Variants in ERCC6L2 observed in about 807,000 individuals in gnomAD.
ERCC6L2 encodes ERCC excision repair 6 like 2, also known as DNA excision repair protein ERCC-6-like 2.
Under a neutral mutation model 132.0 loss-of-function variants are expected in ERCC6L2, and 77 were observed. That is an observed-to-expected ratio of 0.58 (90% CI 0.49 to 0.71). ERCC6L2 has a LOEUF of 0.71. Ranked by LOEUF, ERCC6L2 falls within the 30% of genes least tolerant of loss-of-function variation. The pLI, the probability that ERCC6L2 is intolerant of heterozygous loss-of-function variation, is 0.00. For missense variants in ERCC6L2, 1,542 were observed against 1,837.6 expected, an observed-to-expected ratio of 0.84 and a Z score of 2.94; for synonymous variants, 583 against 632.4, an observed-to-expected ratio of 0.92 and a Z score of 1.17.
chr9:95,949,073 A>G (rs1831205632), intron 12 of ERCC6L2, among the ~76,000 whole-genome samples: 1 of 152,188 alleles, frequency 6.6e-6, no homozygotes, highest in South Asian at 2.1e-4. Context: ...AATTCTGGAC[A>G]CGAAATTCAA....
At chr9:96,032,969 C>T (rs1356193798) in intron 19 of ERCC6L2, among the ~76,000 whole-genome samples, 5 of 152,168 alleles carry the variant, frequency 3.3e-5, no homozygotes, top group East Asian at 3.8e-4. Flanking sequence ...CAAACCCAGG[C>T]GTCCAGGCTC....
chr9:95,896,421 G>T (rs200212185), intron 2 of ERCC6L2, among the ~76,000 whole-genome samples: 229 of 64,704 alleles, frequency 3.5e-3, no homozygotes, highest in South Asian at 0.027. Context: ...TTTTTTTTTT[G>T]ATTTTTTTTT....
At chr9:95,917,618 A>C (rs960809944) in intron 6 of ERCC6L2, among the ~76,000 whole-genome samples, 6 of 152,220 alleles carry the variant, frequency 3.9e-5, no homozygotes, top group Non-Finnish European at 8.8e-5. Context: ...GCAACTTCAT[A>C]TATGTGATTT....
chr9:95,954,493 G>A (rs750837715), intron 12 of ERCC6L2, among the ~76,000 whole-genome samples: 18 of 152,100 alleles, frequency 1.2e-4, no homozygotes, highest in Middle Eastern at 3.2e-3. Flanking sequence ...CCTACCTATC[G>A]TATAACAGTT....
chr9:95,883,627 A>C (rs1827713028), intron 2 of ERCC6L2, among the ~76,000 whole-genome samples: 1 of 152,172 alleles, frequency 6.6e-6, no homozygotes, highest in South Asian at 2.1e-4. Flanking sequence ...TTGGGAGGCC[A>C]AGGCGGGCGG....
chr9:95,972,200 G>T lies in ERCC6L2; in HGVS notation c.2449G>T (p.Asp817Tyr). The change falls in exon 16 of 19, where the codon GAT becomes TAT. Residue 817 changes from aspartate (D) to tyrosine (Y), a missense_variant. Physicochemically the swap from Asp to Tyr is radical, Grantham distance 160 (BLOSUM62 -3). Transcript: ENST00000653738. ...TAGTGATGGAAATACTGCCTCTGAT[G>T]ATGAAAGTTCTGATGAGCAGCCCAC... ...EDSDGNTASD[D>Y]ESSDEQPTCL... 7.7e-7 allele frequency: 1 copy of T among 1,304,224 alleles called. No individual in the cohort carries two copies. The highest frequency in any genetic ancestry group is 1.0e-6 in the Non-Finnish European group (1 of 988,930). The allele number at this position is 1,304,224 out of a possible 1,614,324, so 80.8% of individuals were successfully genotyped here. A position where few individuals can be genotyped will look rare whatever the true frequency, so the allele number is the denominator to read the frequency against.
At position 96,036,772 on chromosome 9, in the gene ERCC6L2, T is replaced by A. The variant is rs1323058262; in HGVS notation, c.*1504-2104T>A. Among the ~76,000 whole-genome samples, 5 of 137,482 alleles carry A rather than the reference T, an allele frequency of 3.6e-5. No individual in the cohort carries two copies. The East Asian group carries it at 6.1e-4, about 17-fold the overall frequency. The allele number at this position is 137,482 out of a possible 152,430, so 90.2% of individuals were successfully genotyped here. On this transcript the variant is annotated intron_variant and NMD_transcript_variant, in intron 19 of 20. Transcript: ENST00000670016. ...TATTATTATTATTATTATTTTTATT[T>A]ATTTTTTTTTTTGAGACGGAGTCTC...
chr9:95,897,407 C>G (rs1828522926), intron 2 of ERCC6L2, among the ~76,000 whole-genome samples: 1 of 152,060 alleles, frequency 6.6e-6, no homozygotes, highest in South Asian at 2.1e-4. Flanking sequence ...TAACATTTTT[C>G]CATTTCACCT....
chr9:95,953,595 A>T (rs1012819307), intron 12 of ERCC6L2, among the ~76,000 whole-genome samples: 2 of 151,348 alleles, frequency 1.3e-5, no homozygotes, highest in African/African-American at 4.9e-5. Context: ...AAAAACAATG[A>T]AATTACTGTG....
intron 11 of ERCC6L2, 72 bp from the exon 12 acceptor site, chr9:95,941,382 C>A: frequency 9.2e-7 from 1 of 1,088,448 alleles, no homozygotes; most frequent in Non-Finnish European, 1.4e-6. Context: ...AGAAACCTGG[C>A]ACAGTTGAGT....
At position 95,916,899 on chromosome 9, in the gene ERCC6L2, G is replaced by T. The variant is rs571091548; in HGVS notation, c.1158+465G>T. Among the ~76,000 whole-genome samples the T allele has an allele frequency of 5.9e-5, 9 of 152,088 alleles. No individual in the cohort carries two copies. The South Asian group carries it at 1.9e-3, about 32-fold the overall frequency. ...AGGGTTTCGCCATGTTGTCTAGGCT[G>T]GTTTCGAACTCCTGACCTCAGGTGA... On this transcript the variant is annotated intron_variant, in intron 6 of 18. Coordinates refer to ENST00000653738, the MANE Select transcript of ERCC6L2 (RefSeq NM_020207.7).
downstream of ERCC6L2, among the ~76,000 whole-genome samples, chr9:96,018,877 T>C (rs967512955): frequency 2.0e-5 from 3 of 152,242 alleles, no homozygotes; most frequent in Non-Finnish European, 4.4e-5. Flanking sequence ...ATAATACTCA[T>C]CTGACATTCT....
intron 13 of ERCC6L2, among the ~76,000 whole-genome samples, chr9:95,966,020 C>T (rs1422887051): frequency 6.6e-6 from 1 of 152,050 alleles, no homozygotes. Context: ...TTAAATGTTC[C>T]ATGTCAGTGT....
intron 3 of ERCC6L2, among the ~76,000 whole-genome samples, chr9:95,901,071 C>T (rs1828749691): frequency 6.9e-6 from 1 of 144,354 alleles, no homozygotes; most frequent in East Asian, 2.0e-4. Context: ...GGTACTCTGT[C>T]TCAGAAAAAA....
At chr9:96,030,022 C>G (rs1487546185) in intron 19 of ERCC6L2, among the ~76,000 whole-genome samples, 1 of 152,220 alleles carries the variant, frequency 6.6e-6, no homozygotes, top group Non-Finnish European at 1.5e-5. Flanking sequence ...AGAGGTGAAG[C>G]CAGCTGGACC....
intron 6 of ERCC6L2, among the ~76,000 whole-genome samples, chr9:95,917,537 T>C (rs1220831789): frequency 1.3e-5 from 2 of 152,252 alleles, no homozygotes; most frequent in Non-Finnish European, 2.9e-5. Context: ...TGACTTTTGA[T>C]ATTTATCTAA....
At chr9:96,036,209 C>T (rs1201880808) in intron 19 of ERCC6L2, among the ~76,000 whole-genome samples, 1 of 152,098 alleles carries the variant, frequency 6.6e-6, no homozygotes, top group Non-Finnish European at 1.5e-5. Context: ...ATTTCCCGCC[C>T]CCAGCCCCCA....
At chr9:95,992,433 T>C (rs1450930870) in intron 17 of ERCC6L2, among the ~76,000 whole-genome samples, 1 of 152,244 alleles carries the variant, frequency 6.6e-6, no homozygotes, top group Non-Finnish European at 1.5e-5. Context: ...TAGCAGGATA[T>C]GCTTCCATTT....
At chr9:95,945,979 A>C (rs1831043074) in intron 12 of ERCC6L2, among the ~76,000 whole-genome samples, 1 of 152,138 alleles carries the variant, frequency 6.6e-6, no homozygotes, top group Non-Finnish European at 1.5e-5. Flanking sequence ...TATGTAAATA[A>C]AAAAGACACA....
Sources: allele counts gnomAD v4.1 joint callset (sites outside exome capture counted in the v4.1 genomes callset), GRCh38; gene constraint gnomAD v4.1.1; transcripts MANE v1.5; gene names NCBI Gene and HGNC (gene_info 2026-07-23, HGNC 2026-07-21).